Variants in RNF19A observed in about 807,000 individuals in gnomAD.
RNF19A encodes the protein E3 ubiquitin-protein ligase RNF19A.
Under a neutral mutation model 75.7 loss-of-function variants are expected in RNF19A, and 32 were observed. The observed-to-expected ratio is 0.42, with a 90% confidence interval of 0.32 to 0.57. The LOEUF (loss-of-function observed/expected upper bound fraction) is 0.57. RNF19A is among the 20% of genes least tolerant of loss of function. The probability of loss-of-function intolerance (pLI) is 0.10; values close to 1 mark genes in which losing one functional copy is unlikely to be tolerated. For missense variants in RNF19A, 782 were observed against 1,036.3 expected (o/e 0.75, Z 3.37); for synonymous variants, 335 against 345.2 (o/e 0.97, Z 0.33).
chr8:100,304,718 T>C (rs1370401077), intron 1 of RNF19A, among the ~76,000 whole-genome samples: 1 of 152,226 alleles, frequency 6.6e-6, no homozygotes, highest in Non-Finnish European at 1.5e-5. Context: ...GCATCTTGTA[T>C]TGATTTATTG....
At position 100,261,754 on chromosome 8, in the gene RNF19A, G is replaced by A. The variant is rs750785361; in HGVS notation, c.1470C>T (p.Asp490=). Residue 490 remains aspartate (D), a splice_region_variant and synonymous_variant, in exon 8 of 10, where the codon GAC becomes GAT. Transcript: ENST00000341084. This position sits in a 1 kb window ranked among gnomAD's most constrained non-coding sequence, Gnocchi z 4.4. The part of the protein sequence containing the change: ...INVGGTNTAV[D]TTSVAEARHN... ...GTCTTGCTTCTGCTACTGATGTTGT[G>A]TCTAAATGCAAATATTCCAAAGAAA... 10 of 1,613,762 alleles carry A rather than the reference G, an allele frequency of 6.2e-6. No individual in the cohort carries two copies. In the South Asian group the frequency reaches 9.9e-5, roughly 16 times the overall value.
chr8:100,313,810 ATGGTTT>A (rs879685737), upstream of RNF19A, among the ~76,000 whole-genome samples: 1 of 151,644 alleles, frequency 6.6e-6, no homozygotes, highest in African/African-American at 2.4e-5. Context: ...ACAGAAGTGG[ATGGTTT>A]TGGTTTTGGT....
In RNF19A at chr8:100,264,804, G is replaced by A; in HGVS notation, c.1192-19C>T. The stretch of plus-strand genomic sequence containing the variant: ...TGTGAATCTTGAATTAATAAAAATA[G>A]GGGTGGGGGATTAAAGAGAAAATAC... On this transcript the variant is annotated intron_variant, in intron 5 of 9. Coordinates refer to ENST00000341084, the MANE Select transcript of RNF19A (RefSeq NM_183419.4). The surrounding 1 kb of genome is among the most constrained non-coding windows in gnomAD (Gnocchi z 4.7). 1.3e-6 allele frequency: 2 copies of A among 1,517,528 alleles called. No homozygotes were observed. The highest frequency in any genetic ancestry group is 1.8e-6 in the Non-Finnish European group (2 of 1,092,752). 94.0% of individuals were successfully genotyped at this position (1,517,528 alleles called of 1,614,324 possible).
At chr8:100,281,323 AAAGTGG>A in intron 2 of RNF19A, among the ~76,000 whole-genome samples, 1 of 152,268 alleles carries the variant, frequency 6.6e-6, no homozygotes, top group South Asian at 2.1e-4. Flanking sequence ...AAGTAAAATT[AAAGTGG>A]TTTTTGTTTT....
At chr8:100,281,507 C>G (rs1350125499) in intron 2 of RNF19A, among the ~76,000 whole-genome samples, 1 of 151,810 alleles carries the variant, frequency 6.6e-6, no homozygotes, top group Non-Finnish European at 1.5e-5. Flanking sequence ...GTAGGGATAC[C>G]AGATAGGGTG....
In RNF19A at chr8:100,330,854, C is replaced by G. The variant is rs561598109; in HGVS notation, c.-243+5254G>C. ...ACCTCTCCAACTTCATCTCTCTCCA[C>G]AACCCTCTTGAGACTCTTGCTGTGT... On this transcript the variant is annotated intron_variant, in intron 1 of 3. Transcript: ENST00000519527. This position sits in a 1 kb window ranked among gnomAD's most constrained non-coding sequence, Gnocchi z 4.1. Among the ~76,000 whole-genome samples the G allele has an allele frequency of 1.8e-4, 27 of 152,362 alleles. 1 individual carries two copies. The highest frequency in any genetic ancestry group is 6.5e-4 in the African/African-American group (27 of 41,586).
In RNF19A at chr8:100,258,982, C is replaced by T. The variant is rs775766964; in HGVS notation, c.2091G>A (p.Leu697=). The change falls in exon 10 of 10, where the codon TTG becomes TTA. Residue 697 remains leucine, a synonymous_variant. Transcript: ENST00000341084. This position sits in a 1 kb window ranked among gnomAD's most constrained non-coding sequence, Gnocchi z 4.3. The stretch of plus-strand genomic sequence containing the variant: ...TTGAGTTCGTGCTTTGTTGTTCTAA[C>T]AACTGTGCATCCATGTCCTCTCTCG... ...NETREDMDAQ[L]LEQQSTNSSE... is the part of the protein sequence containing the mutation. 8 of 1,614,216 alleles carry T rather than the reference C, an allele frequency of 5.0e-6. No homozygotes were observed. In the East Asian group the frequency reaches 1.8e-4, roughly 36 times the overall value.
In RNF19A at chr8:100,259,763, T is replaced by C; in HGVS notation, c.1826+91A>G. ...TTTTCTCAGAGAACTTAATAGTTGG[T>C]AGCCACTTTTCACTGGTAATTTGTC... On this transcript the variant is annotated intron_variant, in intron 9 of 9. Coordinates refer to ENST00000341084, the MANE Select transcript of RNF19A (RefSeq NM_183419.4). This position sits in a 1 kb window ranked among gnomAD's most constrained non-coding sequence, Gnocchi z 4.5. 1 of 1,142,000 alleles carries C rather than the reference T, an allele frequency of 8.8e-7. No individual in the cohort carries two copies. The highest frequency in any genetic ancestry group is 1.2e-6 in the Non-Finnish European group (1 of 804,194). 70.7% of individuals were successfully genotyped at this position (1,142,000 alleles called of 1,614,324 possible).
intron 1 of RNF19A, among the ~76,000 whole-genome samples, chr8:100,299,262 G>A (rs1416177561): frequency 1.3e-5 from 2 of 152,100 alleles, no homozygotes; most frequent in African/African-American, 2.4e-5. Flanking sequence ...AAATATATAG[G>A]CAGTTTTAAT....
chr8:100,312,956 A>G (rs1402604392), upstream of RNF19A, among the ~76,000 whole-genome samples: 1 of 152,132 alleles, frequency 6.6e-6, no homozygotes, highest in Non-Finnish European at 1.5e-5. Flanking sequence ...ACAAAAATAA[A>G]TACATAACCT....
intron 1 of RNF19A, among the ~76,000 whole-genome samples, chr8:100,305,911 A>C (rs1822044661): frequency 6.6e-6 from 1 of 152,250 alleles, no homozygotes; most frequent in Non-Finnish European, 1.5e-5. Context: ...CAACAGATTC[A>C]TGATAATGAG....
At chr8:100,277,821 T>C (rs1379214439) in intron 2 of RNF19A, among the ~76,000 whole-genome samples, 2 of 152,140 alleles carry the variant, frequency 1.3e-5, no homozygotes, top group African/African-American at 4.8e-5. Flanking sequence ...ATCTAAAGTA[T>C]CTATAAGCTA....
intron 1 of RNF19A, among the ~76,000 whole-genome samples, chr8:100,316,505 T>C (rs570328447): frequency 6.6e-6 from 1 of 152,172 alleles, no homozygotes; most frequent in African/African-American, 2.4e-5. Flanking sequence ...AGGTTCTCCA[T>C]GTCCCCATCA....
intron 1 of RNF19A, among the ~76,000 whole-genome samples, chr8:100,321,538 G>A (rs755457894): frequency 6.6e-6 from 1 of 152,212 alleles, no homozygotes; most frequent in Non-Finnish European, 1.5e-5. Flanking sequence ...GAGAGTTGGA[G>A]TCAACTTCTT....
At chr8:100,291,967 C>CATT (rs1821316736) in intron 1 of RNF19A, among the ~76,000 whole-genome samples, 1 of 99,988 alleles carries the variant, frequency 1.0e-5, no homozygotes, top group South Asian at 3.6e-4. Context: ...AGGACTAAGT[C>CATT]TTTTTTTTTT....
At chr8:100,291,967 CT>C (rs56737985) in intron 1 of RNF19A, among the ~76,000 whole-genome samples, 19,730 of 99,616 alleles carry the variant, frequency 0.2, 1,709 homozygotes, top group African/African-American at 0.38. Flanking sequence ...AGGACTAAGT[CT>C]TTTTTTTTTT....
chr8:100,309,771 G>C (rs1822224520), intron 1 of RNF19A, 96 bp downstream of exon 1: 7 of 985,412 alleles, frequency 7.1e-6, no homozygotes, highest in East Asian at 1.1e-4. Context: ...AGGGGCGCTA[G>C]GGCTGCGGCC....
In RNF19A at chr8:100,261,769, T is replaced by G. The variant is rs758697529; in HGVS notation, c.1469-14A>C. 1.3e-5 allele frequency: 21 copies of G among 1,611,872 alleles called. 1 individual carries two copies. In the Admixed American group the frequency reaches 3.5e-4, roughly 27 times the overall value. ...CTGATGTTGTGTCTAAATGCAAATA[T>G]TCCAAAGAAACTAAGTAAGTATGAT... On this transcript the variant is annotated splice_polypyrimidine_tract_variant and intron_variant, in intron 7 of 9. Transcript: ENST00000341084. This position sits in a 1 kb window ranked among gnomAD's most constrained non-coding sequence, Gnocchi z 4.4.
At chr8:100,290,970 T>C (rs562515909) in intron 1 of RNF19A, among the ~76,000 whole-genome samples, 2 of 152,268 alleles carry the variant, frequency 1.3e-5, no homozygotes, top group East Asian at 3.9e-4. Context: ...CAACTGCCTC[T>C]AAGGCAGTCC....
Sources: gnomAD v4.1 joint callset for allele counts (sites outside exome capture counted in the v4.1 genomes callset) on GRCh38, gnomAD v4.1.1 for gene constraint, Gnocchi (gnomAD v3.1) non-coding constraint, MANE v1.5 for transcripts, NCBI Gene and HGNC (gene_info 2026-07-23, HGNC 2026-07-21) for gene names.